Variants in KCNN3 observed in about 807,000 individuals in gnomAD.
KCNN3 encodes small conductance calcium-activated potassium channel protein 3.
A neutral mutation model predicts 62.9 loss-of-function variants in KCNN3; 16 were observed. That is an observed-to-expected ratio of 0.25 (90% CI 0.17 to 0.39). KCNN3 has a LOEUF of 0.39. Among genes scored for constraint, KCNN3 ranks in the 10% least tolerant of loss-of-function variants. The pLI, the probability that KCNN3 is intolerant of heterozygous loss-of-function variation, is 1.00. For synonymous variants in KCNN3, 370 were observed against 389.2 expected, an observed-to-expected ratio of 0.95 and a Z score of 0.58; for missense variants, 599 against 949.4, an observed-to-expected ratio of 0.63 and a Z score of 4.85.
At chr1:154,789,833 T>C (rs777650555) in intron 2 of KCNN3, among the ~76,000 whole-genome samples, 1 of 152,190 alleles carries the variant, frequency 6.6e-6, no homozygotes, top group African/African-American at 2.4e-5. Context: ...AAACACACCA[T>C]GTATTGCAGC....
At chr1:154,792,555 T>G (rs1649559764) in intron 2 of KCNN3, among the ~76,000 whole-genome samples, 1 of 152,210 alleles carries the variant, frequency 6.6e-6, no homozygotes, top group Non-Finnish European at 1.5e-5. Flanking sequence ...GAAAAGGAAT[T>G]TGCATGTTTT....
chr1:154,857,118 C>A (rs545338362), intron 1 of KCNN3, among the ~76,000 whole-genome samples: 1 of 152,210 alleles, frequency 6.6e-6, no homozygotes, highest in Non-Finnish European at 1.5e-5. Flanking sequence ...CCCCCAGAAC[C>A]AACCAGAACA....
intron 3 of KCNN3, among the ~76,000 whole-genome samples, chr1:154,744,908 G>A (rs1700905840): frequency 1.4e-5 from 2 of 146,066 alleles, no homozygotes; most frequent in Non-Finnish European, 3.0e-5. Context: ...GTGCCAGTGG[G>A]TGAATTCACA....
intron 3 of KCNN3, among the ~76,000 whole-genome samples, chr1:154,769,098 C>T (rs2101836081): frequency 6.6e-6 from 1 of 151,984 alleles, no homozygotes; most frequent in South Asian, 2.1e-4. Flanking sequence ...CTCCCATGAG[C>T]CTTCATGTCC....
intron 2 of KCNN3, among the ~76,000 whole-genome samples, chr1:154,776,493 C>A (rs948341004): frequency 6.6e-6 from 1 of 152,116 alleles, no homozygotes; most frequent in Non-Finnish European, 1.5e-5. Flanking sequence ...GACAGGGCTC[C>A]GCTGCAAGGT....
At chr1:154,817,246 T>C (rs951567760) in intron 2 of KCNN3, among the ~76,000 whole-genome samples, 1 of 152,210 alleles carries the variant, frequency 6.6e-6, no homozygotes, top group African/African-American at 2.4e-5. Context: ...TAGGGACTTA[T>C]GAACAAAAGC....
At chr1:154,815,603 T>A (rs543279833) in intron 2 of KCNN3, among the ~76,000 whole-genome samples, 10 of 152,362 alleles carry the variant, frequency 6.6e-5, no homozygotes, top group Admixed American at 2.6e-4. Flanking sequence ...TCTCAATGCC[T>A]AGCACAAAGT....
chr1:154,776,648 A>T (rs1648803249), intron 2 of KCNN3, among the ~76,000 whole-genome samples: 1 of 152,194 alleles, frequency 6.6e-6, no homozygotes. Context: ...AGCAAGTAGC[A>T]GATACCCCAA....
intron 1 of KCNN3, among the ~76,000 whole-genome samples, chr1:154,848,316 G>C (rs1652163274): frequency 6.6e-6 from 1 of 152,132 alleles, no homozygotes; most frequent in African/African-American, 2.4e-5. Context: ...CTGACAAGCT[G>C]CCTGCCTCCC....
At chr1:154,791,185 C>T (rs1465544672) in intron 2 of KCNN3, among the ~76,000 whole-genome samples, 2 of 144,926 alleles carry the variant, frequency 1.4e-5, no homozygotes, top group African/African-American at 5.2e-5. Flanking sequence ...GTCAAGATCG[C>T]ACCACCGCAC....
At chr1:154,798,666 A>T (rs765838996) in intron 2 of KCNN3, among the ~76,000 whole-genome samples, 13 of 152,220 alleles carry the variant, frequency 8.5e-5, no homozygotes, top group Non-Finnish European at 1.8e-4. Flanking sequence ...AACACATCAC[A>T]AGCATTCTCT....
chr1:154,747,985 TC>T (rs1345026001), intron 3 of KCNN3, among the ~76,000 whole-genome samples: 1 of 152,140 alleles, frequency 6.6e-6, no homozygotes, highest in African/African-American at 2.4e-5. Context: ...AGCCCCTTCT[TC>T]CCCATTCTCC....
At chr1:154,750,727 T>C (rs1647331766) in intron 3 of KCNN3, among the ~76,000 whole-genome samples, 1 of 151,856 alleles carries the variant, frequency 6.6e-6, no homozygotes, top group Non-Finnish European at 1.5e-5. Context: ...TAAGAGACCA[T>C]CTTTGAAGAC....
At chr1:154,773,310 C>T (rs566594551) in intron 2 of KCNN3, among the ~76,000 whole-genome samples, 1 of 152,370 alleles carries the variant, frequency 6.6e-6, no homozygotes, top group Non-Finnish European at 1.5e-5. Flanking sequence ...GCGCCCTGCC[C>T]TTTGCTTCGC....
At chr1:154,715,589 CTCTT>C (rs1445017312) in intron 5 of KCNN3, among the ~76,000 whole-genome samples, 4 of 148,158 alleles carry the variant, frequency 2.7e-5, no homozygotes, top group African/African-American at 7.5e-5. Context: ...CTTTCTTTCT[CTCTT>C]TCTTTCTCCT....
intron 7 of KCNN3, among the ~76,000 whole-genome samples, chr1:154,711,864 G>C (rs181583578): frequency 6.6e-6 from 1 of 152,116 alleles, no homozygotes; most frequent in African/African-American, 2.4e-5. Context: ...ACAGTCTGTC[G>C]CGGGGACAGG....
chr1:154,721,077 A>G (rs2101774829), intron 5 of KCNN3, among the ~76,000 whole-genome samples: 1 of 152,248 alleles, frequency 6.6e-6, no homozygotes, highest in South Asian at 2.1e-4. Context: ...GGTCTTATTC[A>G]TTGAATTCAT....
chr1:154,765,141 G>T (rs1557964140), intron 3 of KCNN3, among the ~76,000 whole-genome samples: 1 of 152,130 alleles, frequency 6.6e-6, no homozygotes, highest in Non-Finnish European at 1.5e-5. Flanking sequence ...TCTAGGGGTG[G>T]CTCCTCCTGT....
At chr1:154,858,831 A>G (rs1652640254) in intron 1 of KCNN3, among the ~76,000 whole-genome samples, 1 of 150,950 alleles carries the variant, frequency 6.6e-6, no homozygotes, top group Non-Finnish European at 1.5e-5. Flanking sequence ...TCAGCCTCCC[A>G]AAGTGCTGGA....
Sources: gnomAD v4.1 joint callset for allele counts (sites outside exome capture counted in the v4.1 genomes callset) on GRCh38, gnomAD v4.1.1 for gene constraint, MANE v1.5 for transcripts, NCBI Gene and HGNC (gene_info 2026-07-23, HGNC 2026-07-21) for gene names.